Variants in AKAP6 observed in about 807,000 individuals in gnomAD.
AKAP6 encodes A-kinase anchor protein 6.
Under a neutral mutation model 188.5 loss-of-function variants are expected in AKAP6, and 58 were observed. The ratio of observed to expected loss-of-function variants is 0.31; its 90% confidence interval spans 0.25 to 0.38. The LOEUF (loss-of-function observed/expected upper bound fraction) is 0.38. Among genes scored for constraint, AKAP6 ranks in the 10% least tolerant of loss-of-function variants. The pLI is 1.00. For synonymous variants in AKAP6, 989 were observed against 998.6 expected (o/e 0.99, Z 0.18); for missense variants, 2,710 against 2,740.0 (o/e 0.99, Z 0.24).
intron 1 of AKAP6, among the ~76,000 whole-genome samples, chr14:32,382,857 T>C (rs565300531): frequency 1.8e-3 from 269 of 152,202 alleles, no homozygotes; most frequent in African/African-American, 6.3e-3. Flanking sequence ...ATAGGAGAGA[T>C]GTGGTAGCAG....
intron 7 of AKAP6, among the ~76,000 whole-genome samples, chr14:32,620,309 T>C (rs549679975): frequency 2.0e-5 from 3 of 152,238 alleles, no homozygotes; most frequent in African/African-American, 7.2e-5. Flanking sequence ...CTTTGTTATA[T>C]ATGGCTTTTG....
At chr14:32,370,735 G>A (rs564442106) in intron 1 of AKAP6, among the ~76,000 whole-genome samples, 1 of 152,284 alleles carries the variant, frequency 6.6e-6, no homozygotes, top group East Asian at 1.9e-4. Context: ...TGAAGGCTCT[G>A]AAAATGGAAA....
At chr14:32,563,689 G>A (rs139964921) in intron 4 of AKAP6, among the ~76,000 whole-genome samples, 2 of 152,230 alleles carry the variant, frequency 1.3e-5, no homozygotes, top group African/African-American at 2.4e-5. Flanking sequence ...GCCACCCCAG[G>A]TTCCTGCACC....
chr14:32,335,431 A>T (rs906577322), intron 1 of AKAP6, among the ~76,000 whole-genome samples: 1 of 152,040 alleles, frequency 6.6e-6, no homozygotes, highest in South Asian at 2.1e-4. Context: ...CAGACTCCCC[A>T]CTTCCTCCTA....
chr14:32,449,694 T>C (rs1162627305), intron 2 of AKAP6, among the ~76,000 whole-genome samples: 1 of 152,200 alleles, frequency 6.6e-6, no homozygotes, highest in African/African-American at 2.4e-5. Flanking sequence ...TGAGGACTGA[T>C]AATCTAATTT....
Position 32,824,524 on chromosome 14 carries a change from C to T in AKAP6, c.6711C>T (p.Gly2237=). 6.2e-7 allele frequency: 1 copy of T among 1,613,930 alleles called. No individual in the cohort carries two copies. The highest frequency in any genetic ancestry group is 2.2e-5 in the East Asian group (1 of 44,862). The change falls in exon 13 of 14, where the codon GGC becomes GGT. Residue 2237 remains glycine, a synonymous_variant. Transcript: ENST00000280979. ...EVNGLPQTSS[G]CAENLEFTPS... ...ATGGTTTGCCCCAAACTTCCAGTGG[C>T]TGTGCAGAAAACTTAGAGTTTACTC...
intron 7 of AKAP6, among the ~76,000 whole-genome samples, chr14:32,604,509 T>A (rs1886057190): frequency 6.6e-6 from 1 of 152,218 alleles, no homozygotes; most frequent in Non-Finnish European, 1.5e-5. Context: ...ATGCTTTCTA[T>A]TTGTTTAATG....
chr14:32,421,433 A>AT (rs1287052761), intron 1 of AKAP6, among the ~76,000 whole-genome samples: 1 of 151,790 alleles, frequency 6.6e-6, no homozygotes, highest in Non-Finnish European at 1.5e-5. Context: ...TGTGATTTTC[A>AT]TTTTTGCTAT....
intron 12 of AKAP6, among the ~76,000 whole-genome samples, chr14:32,809,752 T>G (rs970954818): frequency 6.6e-6 from 1 of 152,280 alleles, no homozygotes; most frequent in Admixed American, 6.5e-5. Context: ...TTTGTCAGCT[T>G]AGGATGGAAA....
At chr14:32,769,552 GTTTTT>G (rs146861682) in intron 11 of AKAP6, among the ~76,000 whole-genome samples, 1 of 146,332 alleles carries the variant, frequency 6.8e-6, no homozygotes, top group South Asian at 2.2e-4. Flanking sequence ...TGCTTCATGG[GTTTTT>G]TTTTTTTTTT....
At chr14:32,435,215 A>G (rs1032334418) in intron 2 of AKAP6, among the ~76,000 whole-genome samples, 6 of 152,228 alleles carry the variant, frequency 3.9e-5, no homozygotes, top group Middle Eastern at 3.4e-3. Context: ...TAGCTCCCAT[A>G]AGTAGATAGG....
At chr14:32,697,168 G>T (rs574497794) in intron 9 of AKAP6, among the ~76,000 whole-genome samples, 1 of 152,004 alleles carries the variant, frequency 6.6e-6, no homozygotes, top group Non-Finnish European at 1.5e-5. Flanking sequence ...TTTAATAAAT[G>T]ATTTTAACTT....
In AKAP6 at chr14:32,836,514, G is replaced by T. The variant is rs2034877099; in HGVS notation, c.*6709G>T. On this transcript the variant is annotated 3_prime_UTR_variant, in exon 14 of 14. Transcript: ENST00000280979. Reference sequence around the variant, plus strand: ...AATATTGAGGTGATAGACACTTCCAGGCTTTTGCCAAACATTAGTAAACAA... The same window carrying T: ...AATATTGAGGTGATAGACACTTCCATGCTTTTGCCAAACATTAGTAAACAA... The T allele has an allele frequency of 6.6e-6, 1 of 152,134 alleles. No individual in the cohort carries two copies. Among genetic ancestry groups the T allele is most frequent in the Non-Finnish European group, 1.5e-5 (1 of 68,040 alleles). The allele number at this position is 152,134 out of a possible 1,614,324, so 9.4% of individuals were successfully genotyped here.
rs1020491788 is a variant in AKAP6, at chr14:32,556,295, C to T, written c.2346+9296C>T. The stretch of plus-strand genomic sequence containing the variant: ...ACATCCATTACCCATATTTTAATAG[C>T]GTTATTTGAGTTTTGTTGTTCAGTT... On this transcript the variant is annotated intron_variant, in intron 4 of 13. Transcript: ENST00000280979. 7.9e-5 allele frequency among the ~76,000 whole-genome samples: 12 copies of T among 152,006 alleles called. No homozygotes were observed. In the East Asian group the frequency reaches 1.7e-3, roughly 22 times the overall value.
intron 1 of AKAP6, among the ~76,000 whole-genome samples, chr14:32,361,762 GT>G (rs1215831384): frequency 4.6e-5 from 7 of 152,164 alleles, no homozygotes; most frequent in Admixed American, 4.6e-4. Context: ...TTTGATTTCT[GT>G]TTGTTCATTT....
chr14:32,396,032 A>G (rs1888867811), intron 1 of AKAP6, among the ~76,000 whole-genome samples: 1 of 152,158 alleles, frequency 6.6e-6, no homozygotes, highest in Non-Finnish European at 1.5e-5. Flanking sequence ...TATGTCATTA[A>G]TGAGCTATAA....
intron 1 of AKAP6, among the ~76,000 whole-genome samples, chr14:32,339,301 G>C (rs1408706001): frequency 6.6e-6 from 1 of 152,140 alleles, no homozygotes; most frequent in Non-Finnish European, 1.5e-5. Context: ...ACTCTCTTTT[G>C]CAGTGGTCCT....
intron 1 of AKAP6, among the ~76,000 whole-genome samples, chr14:32,382,800 CTG>C (rs1888407419): frequency 6.6e-6 from 1 of 152,084 alleles, no homozygotes; most frequent in South Asian, 2.1e-4. Context: ...TAGGAGTAAA[CTG>C]TGGTACAGGG....
In AKAP6 at chr14:32,568,398, A is replaced by G. The variant is rs367904121; in HGVS notation, c.2347-8722A>G. Among the ~76,000 whole-genome samples the G allele has an allele frequency of 1.3e-5, 2 of 152,194 alleles. No individual in the cohort carries two copies. Among genetic ancestry groups the G allele is most frequent in the South Asian group, 4.1e-4 (2 of 4,834 alleles). ...GGAAATTTGACTATTCAATAACTTC[A>G]CAAGTTATTAGTAGGATAGATGGTA... is the stretch of plus-strand genomic sequence containing the variant. On this transcript the variant is annotated intron_variant, in intron 4 of 13. Coordinates refer to ENST00000280979, the MANE Select transcript of AKAP6 (RefSeq NM_004274.5). The surrounding 1 kb of genome is among the most constrained non-coding windows in gnomAD (Gnocchi z 6.2).
Sources: allele counts gnomAD v4.1 joint callset (sites outside exome capture counted in the v4.1 genomes callset), GRCh38; gene constraint gnomAD v4.1.1; non-coding constraint Gnocchi (gnomAD v3.1); transcripts MANE v1.5; gene names NCBI Gene and HGNC (gene_info 2026-07-23, HGNC 2026-07-21).